Variants in NOL8 observed in about 807,000 individuals in gnomAD.
NOL8 encodes the protein nucleolar protein Nop132.
A neutral mutation model predicts 116.1 loss-of-function variants in NOL8; 93 were observed. The observed-to-expected ratio is 0.80, with a 90% CI of 0.68 to 0.95. The LOEUF is 0.95. Among genes scored for constraint, NOL8 ranks in the 40% least tolerant of loss-of-function variants. NOL8 has a pLI of 0.00. For synonymous variants in NOL8, 419 were observed against 469.0 expected (o/e 0.89, Z 1.38); for missense variants, 1,291 against 1,382.8 (o/e 0.93, Z 1.05).
At chr9:92,297,967 C>T in intron 16 of NOL8, 81 bp from the exon 17 acceptor site, 1 of 1,220,482 alleles carries the variant, frequency 8.2e-7, no homozygotes, top group Non-Finnish European at 1.1e-6. Flanking sequence ...ACAGGTTATT[C>T]TCACTGTCAG....
chr9:92,310,620 G>T lies in NOL8; in HGVS notation c.2528C>A (p.Ser843Tyr), dbSNP rs1390005935. The change falls in exon 9 of 17, where the codon TCT becomes TAT. Residue 843 changes from serine (S) to tyrosine (Y), a missense_variant. Physicochemically the swap from Ser to Tyr is moderately radical, Grantham distance 144. Coordinates refer to ENST00000442668, the MANE Select transcript of NOL8 (RefSeq NM_017948.6). ...CCTATTACTGTCATCTTCAGAATCA[G>T]ATTCGTCATCATCACTGCTATCAAA... ...KLFDSSDDDE[S>Y]DSEDDSNRFK... 1.2e-6 allele frequency: 2 copies of T among 1,613,060 alleles called. No homozygotes were observed. Among genetic ancestry groups the T allele is most frequent in the Non-Finnish European group, 1.7e-6 (2 of 1,179,486 alleles).
Position 92,315,039 on chromosome 9 carries a change from G to A in NOL8, c.1586C>T (p.Pro529Leu), listed in dbSNP as rs765993847. ...CTGTCGGCCTCTGCGGAGGCCAGTGGGAGTCTTGGGGCTCTTGGAGCCTCT... is the reference window on the plus strand; with the variant it reads ...CTGTCGGCCTCTGCGGAGGCCAGTGAGAGTCTTGGGGCTCTTGGAGCCTCT... ...FDRGSKSPKT[P>L]TGLRRGRQCI... is the part of the protein sequence containing the mutation. The change falls in exon 7 of 17, where the codon CCC becomes CTC. Residue 529 changes from proline (P) to leucine (L), a missense_variant. Physicochemically the swap from Pro to Leu is moderately conservative, Grantham distance 98. Transcript: ENST00000442668. 3 of 1,613,900 alleles carry A rather than the reference G, an allele frequency of 1.9e-6. No homozygotes were observed. The highest frequency in any genetic ancestry group is 1.7e-6 in the Non-Finnish European group (2 of 1,179,906).
chr9:92,318,574 T>TA, intron 6 of NOL8, 44 bp downstream of exon 6: 1 of 1,304,790 alleles, frequency 7.7e-7, no homozygotes, highest in East Asian at 2.3e-5. Flanking sequence ...TTTACAAGTA[T>TA]CCGTCACTGT....
intron 13 of NOL8, 81 bp from the exon 14 acceptor site, chr9:92,300,097 T>C: frequency 1.3e-6 from 2 of 1,519,790 alleles, no homozygotes; most frequent in Non-Finnish European, 1.8e-6. Flanking sequence ...TTGATTACTT[T>C]TACCACGTAG....
intron 3 of NOL8, among the ~76,000 whole-genome samples, chr9:92,322,178 C>T (rs1839982414): frequency 6.6e-6 from 1 of 152,118 alleles, no homozygotes; most frequent in African/African-American, 2.4e-5. Context: ...TCCTACAGCA[C>T]CTTAATTTTA....
rs1564232250 is a variant in NOL8, at chr9:92,315,421, G to A, written c.1204C>T (p.Gln402Ter). Residue 402 changes from glutamine to a stop codon, truncating the protein, a stop_gained, in exon 7 of 17, where the codon CAA becomes TAA. Transcript: ENST00000442668. LOFTEE classifies it high-confidence loss of function. ...GTTTTCTTCGTAGATTTTTCCATTTGTGAAAATTCTGTACTGTTTTTGACC... is the reference window on the plus strand; with the variant it reads ...GTTTTCTTCGTAGATTTTTCCATTTATGAAAATTCTGTACTGTTTTTGACC... ...AKVKNSTEFS[Q>*]MEKSTKKTSF... is the part of the protein sequence containing the mutation. The A allele has an allele frequency of 1.6e-5, 25 of 1,589,262 alleles. No individual in the cohort carries two copies. Among genetic ancestry groups the A allele is most frequent in the Non-Finnish European group, 2.1e-5 (25 of 1,166,408 alleles).
At chr9:92,318,536 A>C (rs149979287) in intron 6 of NOL8, 82 bp downstream of exon 6, 1 of 982,826 alleles carries the variant, frequency 1.0e-6, no homozygotes, top group Non-Finnish European at 1.5e-6. Flanking sequence ...AGATTCACTG[A>C]TAAGAGACAG....
Position 92,318,611 on chromosome 9 carries a change from AG to A in NOL8, c.486+6del. On this transcript the variant is annotated splice_donor_region_variant and intron_variant, in intron 6 of 16. Coordinates refer to ENST00000442668, the MANE Select transcript of NOL8 (RefSeq NM_017948.6). ...GTAAATAATTATGTTGAGAGGCCAA[AG>A]GATATTTTACGTTTATGTTGATTTT... 6.3e-7 allele frequency: 1 copy of A among 1,587,818 alleles called. No individual in the cohort carries two copies. Among genetic ancestry groups the A allele is most frequent in the Non-Finnish European group, 8.6e-7 (1 of 1,163,892 alleles).
chr9:92,300,154 CA>C, intron 13 of NOL8, 138 bp from the exon 14 acceptor site: 11 of 1,356,644 alleles, frequency 8.1e-6, no homozygotes, highest in Admixed American at 2.7e-5. Flanking sequence ...AAAATAGTAT[CA>C]AAAAAATAGG....
At chr9:92,325,145 A>G (rs1840355665) in intron 1 of NOL8, 161 bp downstream of exon 1, 1 of 151,994 alleles carries the variant, frequency 6.6e-6, no homozygotes, top group Non-Finnish European at 1.5e-5. Context: ...AGCGTCCACC[A>G]CATGGCGTGT....
chr9:92,325,004 G>C (rs1840336658), intron 1 of NOL8: 1 of 152,134 alleles, frequency 6.6e-6, no homozygotes, highest in African/African-American at 2.4e-5. Flanking sequence ...AGGGGACTCA[G>C]GAAAACTTTT....
chr9:92,323,613 T>G, intron 2 of NOL8, 110 bp from the exon 3 acceptor site: 1 of 859,262 alleles, frequency 1.2e-6, no homozygotes, highest in Non-Finnish European at 1.7e-6. Flanking sequence ...TCTTGAAAAC[T>G]TATTATTTCA....
chr9:92,314,825 C>T lies in NOL8; in HGVS notation c.1800G>A (p.Gln600=). ...TGGGATCCTCATGTTTCATGGAATTCTGATCTTTATTGTTAGAGGCAACAC... is the reference window on the plus strand; with the variant it reads ...TGGGATCCTCATGTTTCATGGAATTTTGATCTTTATTGTTAGAGGCAACAC... The part of the protein sequence containing the change: ...KDSVASNNKD[Q]NSMKHEDPSI... Residue 600 remains glutamine, a synonymous_variant, in exon 7 of 17, where the codon CAG becomes CAA. Transcript: ENST00000442668. The T allele has an allele frequency of 6.2e-7, 1 of 1,613,374 alleles. No individual in the cohort carries two copies. Among genetic ancestry groups the T allele is most frequent in the Non-Finnish European group, 8.5e-7 (1 of 1,179,682 alleles).
chr9:92,298,514 T>C, intron 15 of NOL8, 178 bp from the exon 16 acceptor site: 1 of 561,520 alleles, frequency 1.8e-6, no homozygotes, highest in Non-Finnish European at 3.1e-6. Context: ...TAATATTGCT[T>C]TTACTGTTTA....
chr9:92,303,185 A>G (rs1383530497), intron 12 of NOL8, among the ~76,000 whole-genome samples: 1 of 152,142 alleles, frequency 6.6e-6, no homozygotes, highest in African/African-American at 2.4e-5. Context: ...CCTAATCTCC[A>G]GAAGGCAAAT....
In NOL8 at chr9:92,297,871, G is replaced by C. The variant is rs1015226205; in HGVS notation, c.3469C>G (p.His1157Asp). The C allele has an allele frequency of 1.2e-5, 19 of 1,545,086 alleles. No individual in the cohort carries two copies. Among genetic ancestry groups the C allele is most frequent in the African/African-American group, 2.8e-5 (2 of 72,480 alleles). ...TNLRMDCRKKHKDAKRKMKPK is the reference protein window; with the variant it reads ...TNLRMDCRKKDKDAKRKMKPK ...TTCATTTTCCTTTTTGCGTCTTTAT[G>C]TTTCTTTCGACAATCCTAGGAAAAA... The change falls in exon 17 of 17, where the codon CAT (histidine) becomes GAT (aspartate). Residue 1157 changes from histidine (H) to aspartate (D), a missense_variant. Transcript: ENST00000442668.
chr9:92,308,221 T>C (rs1410635824), intron 10 of NOL8, among the ~76,000 whole-genome samples: 1 of 152,080 alleles, frequency 6.6e-6, no homozygotes, highest in Non-Finnish European at 1.5e-5. Context: ...AGACCCTGTC[T>C]CTATGAAAAT....
intron 10 of NOL8, among the ~76,000 whole-genome samples, chr9:92,307,891 CA>C (rs1428836382): frequency 6.6e-6 from 1 of 152,086 alleles, no homozygotes; most frequent in Non-Finnish European, 1.5e-5. Context: ...ACAAAACGAA[CA>C]CATATATTGA....
intron 13 of NOL8, chr9:92,300,921 T>C: frequency 1.0e-6 from 1 of 953,720 alleles, no homozygotes; most frequent in Non-Finnish European, 1.3e-6. Flanking sequence ...TATTCTTCTG[T>C]ATAGGTATTA....
Sources: allele counts gnomAD v4.1 joint callset (sites outside exome capture counted in the v4.1 genomes callset), GRCh38; gene constraint gnomAD v4.1.1; transcripts MANE v1.5; gene names NCBI Gene and HGNC (gene_info 2026-07-23, HGNC 2026-07-21).